DYNC2I1: variants seen among roughly 807,000 people sequenced by gnomAD.
The protein encoded by DYNC2I1 is cytoplasmic dynein 2 intermediate chain 1.
A neutral mutation model predicts 133.4 loss-of-function variants in DYNC2I1; 89 were observed. The ratio of observed to expected loss-of-function variants is 0.67; its 90% confidence interval spans 0.56 to 0.80. The LOEUF is 0.80. Among genes scored for constraint, DYNC2I1 ranks in the 30% least tolerant of loss-of-function variants. The pLI is 0.00. For synonymous variants in DYNC2I1, 504 were observed against 484.3 expected, an observed-to-expected ratio of 1.04 and a Z score of -0.54; for missense variants, 1,291 against 1,314.5, an observed-to-expected ratio of 0.98 and a Z score of 0.28.
chr7:158,868,155 C>G (rs712197), intron 1 of DYNC2I1, among the ~76,000 whole-genome samples: 20,616 of 152,184 alleles, frequency 0.14, 1,713 homozygotes, highest in Middle Eastern at 0.22. Context: ...GGGGAATCAG[C>G]TTGACTTGTA....
At chr7:158,856,789 C>T in intron 1 of DYNC2I1, 39 bp downstream of exon 1, 3 of 1,232,746 alleles carry the variant, frequency 2.4e-6, no homozygotes, top group East Asian at 3.2e-5. Context: ...GGTGGTCGAG[C>T]TTCGCGGACT....
chr7:158,926,934 T>G, intron 19 of DYNC2I1, 58 bp from the exon 20 acceptor site: 1 of 1,292,450 alleles, frequency 7.7e-7, no homozygotes, highest in Non-Finnish European at 1.1e-6. Context: ...ATGCTTTGCT[T>G]AGGTTGTTTC....
In DYNC2I1 at chr7:158,933,498, G is replaced by A. The variant is rs3793192; in HGVS notation, c.2547-631G>A. Among the ~76,000 whole-genome samples the A allele has an allele frequency of 9.2e-5, 14 of 152,304 alleles. No individual in the cohort carries two copies. The East Asian group carries it at 2.5e-3, about 27-fold the overall frequency. ...CAGGACTCTGGAACTCACTGCTCCTGCAGTGATAGGGAAATTCAGAAAGCC... is the reference window on the plus strand; with the variant it reads ...CAGGACTCTGGAACTCACTGCTCCTACAGTGATAGGGAAATTCAGAAAGCC... On this transcript the variant is annotated intron_variant, in intron 21 of 24. Transcript: ENST00000407559.
chr7:158,905,081 T>A (rs1315582096), intron 10 of DYNC2I1: 1 of 414,142 alleles, frequency 2.4e-6, no homozygotes, highest in South Asian at 1.8e-5. Context: ...GATTGAGGAA[T>A]GACTTGTGTC....
chr7:158,904,977 G>A (rs1014786636), intron 10 of DYNC2I1: 1 of 283,014 alleles, frequency 3.5e-6, no homozygotes, highest in Non-Finnish European at 6.9e-6. Context: ...GGAATGAAAA[G>A]ACGATAAGAT....
chr7:158,896,190 A>T (rs1350844132), intron 8 of DYNC2I1, among the ~76,000 whole-genome samples: 2 of 152,154 alleles, frequency 1.3e-5, no homozygotes, highest in African/African-American at 2.4e-5. Flanking sequence ...GGGAAAACTG[A>T]GTTTCTCACT....
At chr7:158,927,856 A>C (rs1849779900) in intron 20 of DYNC2I1, among the ~76,000 whole-genome samples, 1 of 152,118 alleles carries the variant, frequency 6.6e-6, no homozygotes, top group Non-Finnish European at 1.5e-5. Flanking sequence ...AGCCTGAGTG[A>C]ATGTTTTGAT....
intron 11 of DYNC2I1, among the ~76,000 whole-genome samples, chr7:158,910,682 TG>T (rs915614226): frequency 2.0e-5 from 3 of 147,298 alleles, no homozygotes; most frequent in Admixed American, 1.3e-4. Context: ...GTCAGGCTCG[TG>T]GGCCGATCAC....
At chr7:158,936,102 A>G (rs1441515012) in intron 23 of DYNC2I1, among the ~76,000 whole-genome samples, 1 of 152,188 alleles carries the variant, frequency 6.6e-6, no homozygotes, top group Non-Finnish European at 1.5e-5. Flanking sequence ...GAGGCAAGAG[A>G]ATCGCTTTAA....
chr7:158,888,365 G>T (rs563213007), intron 7 of DYNC2I1, among the ~76,000 whole-genome samples: 2 of 151,426 alleles, frequency 1.3e-5, no homozygotes, highest in Admixed American at 1.3e-4. Context: ...GCATATTTTG[G>T]ATTCTATGAA....
At chr7:158,871,613 G>C (rs1237325206) in intron 3 of DYNC2I1, 51 bp downstream of exon 3, 20 of 1,339,200 alleles carry the variant, frequency 1.5e-5, no homozygotes, top group Non-Finnish European at 1.9e-5. Flanking sequence ...CCGCGTCGCT[G>C]CTGGTGACAG....
chr7:158,914,378 A>G, intron 14 of DYNC2I1, 57 bp downstream of exon 14: 1 of 1,344,794 alleles, frequency 7.4e-7, no homozygotes, highest in Non-Finnish European at 1.0e-6. Flanking sequence ...GTTTCATTCT[A>G]CATAGAAACA....
intron 20 of DYNC2I1, among the ~76,000 whole-genome samples, chr7:158,930,119 A>G (rs1850072016): frequency 6.6e-6 from 1 of 151,846 alleles, no homozygotes; most frequent in Admixed American, 6.5e-5. Context: ...TGCTGCTGTG[A>G]TCTAAGGCTT....
chr7:158,869,136 G>A (rs1371415092), intron 1 of DYNC2I1, among the ~76,000 whole-genome samples: 3 of 152,158 alleles, frequency 2.0e-5, no homozygotes, highest in African/African-American at 7.2e-5. Flanking sequence ...TGCGGGAGCC[G>A]TGCCTCTCAC....
At chr7:158,876,100 C>T (rs1366154081) in intron 3 of DYNC2I1, among the ~76,000 whole-genome samples, 4 of 152,152 alleles carry the variant, frequency 2.6e-5, no homozygotes, top group African/African-American at 7.2e-5. Context: ...CACCATTGTG[C>T]GGGCTGTACA....
intron 1 of DYNC2I1, among the ~76,000 whole-genome samples, chr7:158,864,964 C>A (rs1842270435): frequency 6.6e-6 from 1 of 152,256 alleles, no homozygotes; most frequent in African/African-American, 2.4e-5. Flanking sequence ...GCCAGTGGCA[C>A]CTTCTCGCTG....
rs28854817 is a variant in DYNC2I1, at chr7:158,896,038, T to G, written c.1059+4705T>G. Among the ~76,000 whole-genome samples, 1,480 of 152,308 alleles carry G rather than the reference T, an allele frequency of 9.7e-3. 31 individuals carry two copies. The highest frequency in any genetic ancestry group is 0.033 in the African/African-American group (1,375 of 41,556). On this transcript the variant is annotated intron_variant, in intron 8 of 24. Coordinates refer to ENST00000407559, the MANE Select transcript of DYNC2I1 (RefSeq NM_018051.5). ...AGGTTTTTTTTGTTCAATTCTTTCATATTTTCTGCGAAGAAAGTTTAATTT... is the reference window on the plus strand; with the variant it reads ...AGGTTTTTTTTGTTCAATTCTTTCAGATTTTCTGCGAAGAAAGTTTAATTT...
At chr7:158,869,215 C>A (rs1281074963) in intron 1 of DYNC2I1, among the ~76,000 whole-genome samples, 1 of 151,026 alleles carries the variant, frequency 6.6e-6, no homozygotes, top group Non-Finnish European at 1.5e-5. Context: ...CTGTGAGGGA[C>A]CCCTCTGGGC....
intron 16 of DYNC2I1, 137 bp from the exon 17 acceptor site, chr7:158,923,434 G>T (rs1849285564): frequency 3.5e-6 from 4 of 1,158,588 alleles, no homozygotes; most frequent in South Asian, 1.3e-5. Flanking sequence ...AGGAGTCTAC[G>T]TTCTGCTTAC....
Sources: allele counts gnomAD v4.1 joint callset (sites outside exome capture counted in the v4.1 genomes callset), GRCh38; gene constraint gnomAD v4.1.1; transcripts MANE v1.5; gene names NCBI Gene and HGNC (gene_info 2026-07-23, HGNC 2026-07-21).